The following SLC71A2 variants were observed in gnomAD, a reference collection of about 807,000 sequenced individuals.
The protein encoded by SLC71A2 is hippocampus abundant transcript-like 1.
At chr9:94,430,924 G>GTAAA in the SLC71A2 span, among the ~76,000 whole-genome samples, 2 of 152,158 alleles carry the variant, frequency 1.3e-5, no homozygotes, top group Admixed American at 1.3e-4. Flanking sequence ...GTCTCTTATA[G>GTAAA]TAAAGCATAT....
chr9:94,459,540 A>C, the SLC71A2 span: 2 of 840,424 alleles, frequency 2.4e-6, no homozygotes, highest in Non-Finnish European at 3.6e-6. Flanking sequence ...TTTGATAAAT[A>C]CCACCGCCAT....
the SLC71A2 span, among the ~76,000 whole-genome samples, chr9:94,453,411 G>A: frequency 6.6e-6 from 1 of 152,108 alleles, no homozygotes; most frequent in Non-Finnish European, 1.5e-5. Context: ...GCCTCCCAAA[G>A]TGCTGGGATT....
At chr9:94,431,697 C>T in the SLC71A2 span, among the ~76,000 whole-genome samples, 23 of 151,602 alleles carry the variant, frequency 1.5e-4, no homozygotes, top group Middle Eastern at 3.4e-3. Flanking sequence ...AGAAAAAAGT[C>T]CCTGGCTGAA....
the SLC71A2 span, among the ~76,000 whole-genome samples, chr9:94,421,851 C>A: frequency 6.6e-6 from 1 of 152,128 alleles, no homozygotes; most frequent in Non-Finnish European, 1.5e-5. Flanking sequence ...ACCCTGGACT[C>A]CTAGGCTTTT....
the SLC71A2 span, among the ~76,000 whole-genome samples, chr9:94,427,513 C>T: frequency 6.8e-6 from 1 of 146,026 alleles, no homozygotes; most frequent in East Asian, 2.0e-4. Flanking sequence ...TCCTAAACTG[C>T]ATCACCTGTA....
At chr9:94,394,403 T>A in the SLC71A2 span, among the ~76,000 whole-genome samples, 234 of 97,722 alleles carry the variant, frequency 2.4e-3, 2 homozygotes, top group African/African-American at 6.2e-3. Flanking sequence ...TTTAAAATGG[T>A]TCATCTTCTA....
At chr9:94,429,929 G>A in the SLC71A2 span, among the ~76,000 whole-genome samples, 27,963 of 141,466 alleles carry the variant, frequency 0.2, 3,396 homozygotes, top group African/African-American at 0.36. Context: ...TTTTTGAGAT[G>A]GAGTCTCGCT....
the SLC71A2 span, chr9:94,433,053 A>C: frequency 2.4e-6 from 1 of 413,594 alleles, no homozygotes; most frequent in African/African-American, 2.1e-5. Flanking sequence ...GTCTTTCAGG[A>C]GCTCCTGGGG....
At chr9:94,427,504 C>T in the SLC71A2 span, among the ~76,000 whole-genome samples, 10 of 147,168 alleles carry the variant, frequency 6.8e-5, no homozygotes, top group African/African-American at 2.6e-4. Flanking sequence ...ATCTCTTATT[C>T]CTAAACTGCA....
At chr9:94,445,039 A>G in the SLC71A2 span, 3 of 1,614,204 alleles carry the variant, frequency 1.9e-6, no homozygotes, top group Non-Finnish European at 1.7e-6. Context: ...TTACGGAGAC[A>G]GCCTCGTTGT....
the SLC71A2 span, among the ~76,000 whole-genome samples, chr9:94,402,866 G>T: frequency 6.6e-6 from 1 of 152,116 alleles, no homozygotes; most frequent in Non-Finnish European, 1.5e-5. Context: ...TGTAGTTTGA[G>T]TTACTTATTT....
chr9:94,424,475 T>G, the SLC71A2 span, among the ~76,000 whole-genome samples: 1 of 151,996 alleles, frequency 6.6e-6, no homozygotes, highest in Non-Finnish European at 1.5e-5. Context: ...CCTCAGGTTA[T>G]CTGCCTGCCT....
At chr9:94,440,860 TATAC>T in the SLC71A2 span, 2 of 506,094 alleles carry the variant, frequency 4.0e-6, no homozygotes, top group African/African-American at 3.9e-5. Context: ...TATATTTAAG[TATAC>T]ATACATATAC....
chr9:94,454,377 T>C, the SLC71A2 span, among the ~76,000 whole-genome samples: 1 of 152,116 alleles, frequency 6.6e-6, no homozygotes, highest in African/African-American at 2.4e-5. Flanking sequence ...AATTTTTTTT[T>C]CTTTCCCTGA....
the SLC71A2 span, among the ~76,000 whole-genome samples, chr9:94,439,072 AG>A: frequency 3.1e-5 from 2 of 64,498 alleles, no homozygotes; most frequent in African/African-American, 1.0e-4. Flanking sequence ...ACTAGGCTGG[AG>A]TGCAGTGGCA....
the SLC71A2 span, among the ~76,000 whole-genome samples, chr9:94,387,808 A>G: frequency 6.6e-6 from 1 of 152,196 alleles, no homozygotes; most frequent in South Asian, 2.1e-4. Context: ...AGGCATTGTC[A>G]TGTAGTCACT....
At chr9:94,381,411 A>G in the SLC71A2 span, among the ~76,000 whole-genome samples, 2 of 151,062 alleles carry the variant, frequency 1.3e-5, no homozygotes, top group African/African-American at 4.9e-5. Flanking sequence ...GCTTTTAAAA[A>G]GTTCAGCATA....
At chr9:94,411,189 CT>C in the SLC71A2 span, among the ~76,000 whole-genome samples, 1 of 147,700 alleles carries the variant, frequency 6.8e-6, no homozygotes, top group Non-Finnish European at 1.5e-5. Context: ...CTGTTTAAAG[CT>C]TTTTTTGTGG....
the SLC71A2 span, among the ~76,000 whole-genome samples, chr9:94,430,312 T>G: frequency 6.6e-6 from 1 of 150,566 alleles, no homozygotes; most frequent in African/African-American, 2.5e-5. Flanking sequence ...AACCTCCACC[T>G]CCCGGGTTCG....
Sources: allele counts gnomAD v4.1 joint callset (sites outside exome capture counted in the v4.1 genomes callset), GRCh38; gene constraint gnomAD v4.1.1; transcripts MANE v1.5; gene names NCBI Gene and HGNC (gene_info 2026-07-23, HGNC 2026-07-21).